Variants in NRXN3 observed in about 807,000 individuals in gnomAD.
NRXN3 encodes neurexin III.
A neutral mutation model predicts 137.6 loss-of-function variants in NRXN3; 32 were observed. The observed-to-expected ratio is 0.23, with a 90% CI of 0.18 to 0.31. The LOEUF (loss-of-function observed/expected upper bound fraction) is 0.31. NRXN3 is among the 10% of genes least tolerant of loss of function. The pLI is 1.00. For missense variants in NRXN3, 1,574 were observed against 2,062.5 expected (o/e 0.76, Z 4.59); for synonymous variants, 798 against 784.5 (o/e 1.02, Z -0.29).
At chr14:79,103,250 G>A (rs2051699333) in intron 15 of NRXN3, among the ~76,000 whole-genome samples, 2 of 152,146 alleles carry the variant, frequency 1.3e-5, no homozygotes, top group African/African-American at 2.4e-5. Context: ...ACAGGAAGAA[G>A]GTGATTTGGG....
chr14:79,126,239 T>C (rs1447917651), intron 15 of NRXN3, among the ~76,000 whole-genome samples: 1 of 152,166 alleles, frequency 6.6e-6, no homozygotes, highest in Non-Finnish European at 1.5e-5. Flanking sequence ...GTTAGTTACC[T>C]ATGTATACAT....
At chr14:79,658,042 A>G (rs1289680069) in intron 16 of NRXN3, among the ~76,000 whole-genome samples, 1 of 152,210 alleles carries the variant, frequency 6.6e-6, no homozygotes, top group Non-Finnish European at 1.5e-5. Context: ...ACTCACAATT[A>G]GGCTAAGTGG....
chr14:79,764,445 TAAG>T (rs921390929), intron 19 of NRXN3, among the ~76,000 whole-genome samples: 5 of 152,194 alleles, frequency 3.3e-5, no homozygotes, highest in African/African-American at 1.2e-4. Flanking sequence ...GCTCAGCTGA[TAAG>T]GAGTAGAGAA....
At chr14:79,443,693 T>C (rs1256897774) in intron 15 of NRXN3, among the ~76,000 whole-genome samples, 1 of 152,246 alleles carries the variant, frequency 6.6e-6, no homozygotes, top group African/African-American at 2.4e-5. Context: ...GTGTCCTGAA[T>C]GAGGAATCTT....
chr14:78,714,979 G>C lies in NRXN3; in HGVS notation c.1884G>C (p.Glu628Asp). The C allele has an allele frequency of 6.2e-7, 1 of 1,614,200 alleles. No individual in the cohort carries two copies. ...GCAAGAACATTCGACAGCTGGCAGA[G>C]ATGCAGAATGCTGCGGGTGTCAAGT... ...GRSKNIRQLA[E>D]MQNAAGVKSS... The change falls in exon 8 of 21, where the codon GAG becomes GAC. Residue 628 changes from glutamate (E) to aspartate (D), a missense_variant. By Grantham distance (45) the Glu-to-Asp change is conservative (BLOSUM62 2). Transcript: ENST00000335750.
chr14:79,828,487 G>T (rs1351122907), intron 20 of NRXN3, among the ~76,000 whole-genome samples: 1 of 151,878 alleles, frequency 6.6e-6, no homozygotes, highest in Non-Finnish European at 1.5e-5. Flanking sequence ...AGGCATGGTG[G>T]CAGGCACCTG....
intron 4 of NRXN3, among the ~76,000 whole-genome samples, chr14:78,362,556 A>G (rs974188894): frequency 6.6e-6 from 1 of 152,206 alleles, no homozygotes; most frequent in Non-Finnish European, 1.5e-5. Context: ...GATGTTTTTC[A>G]TATCTATTAA....
chr14:78,792,743 A>C (rs1288832333), intron 8 of NRXN3, among the ~76,000 whole-genome samples: 3 of 152,208 alleles, frequency 2.0e-5, no homozygotes, highest in Non-Finnish European at 4.4e-5. Flanking sequence ...GCATTATACA[A>C]TCTCATTACA....
chr14:78,649,984 C>T (rs980967966), intron 5 of NRXN3, among the ~76,000 whole-genome samples: 1 of 152,098 alleles, frequency 6.6e-6, no homozygotes, highest in African/African-American at 2.4e-5. Context: ...TACTAACAAC[C>T]TACCAATCAT....
chr14:78,818,894 A>G (rs983463279), intron 10 of NRXN3, among the ~76,000 whole-genome samples: 6 of 152,140 alleles, frequency 3.9e-5, no homozygotes, highest in Admixed American at 1.3e-4. Context: ...CCTCAGATGT[A>G]TGTATCTCTA....
rs185549790 is a variant in NRXN3 at position 78,895,406 on chromosome 14, C to G, written c.2276-61836C>G. Among the ~76,000 whole-genome samples the G allele has an allele frequency of 2.6e-5, 4 of 151,998 alleles. No individual in the cohort carries two copies. The East Asian group carries it at 7.8e-4, about 30-fold the overall frequency. On this transcript the variant is annotated intron_variant, in intron 10 of 20. Coordinates refer to ENST00000335750, the MANE Select transcript of NRXN3 (RefSeq NM_001330195.2). The stretch of plus-strand genomic sequence containing the variant: ...AAACTTTTTTCTGCATCTTCCTCAC[C>G]TCTCTTAGCCTTCATAGAATTGGAA...
intron 20 of NRXN3, among the ~76,000 whole-genome samples, chr14:79,859,826 C>A (rs571725005): frequency 6.6e-6 from 1 of 152,184 alleles, no homozygotes; most frequent in South Asian, 2.1e-4. Flanking sequence ...ATAACTGGGG[C>A]AGGGAAACAT....
intron 16 of NRXN3, among the ~76,000 whole-genome samples, chr14:79,644,108 T>G (rs1392409932): frequency 7.4e-6 from 1 of 135,516 alleles, no homozygotes; most frequent in Non-Finnish European, 1.7e-5. Context: ...ATCAACCCAA[T>G]GCCCTATATT....
intron 15 of NRXN3, among the ~76,000 whole-genome samples, chr14:79,213,898 T>A (rs1163553622): frequency 6.6e-6 from 1 of 152,220 alleles, no homozygotes; most frequent in East Asian, 1.9e-4. Flanking sequence ...CTTAGAAAGC[T>A]ACGCTTCTTA....
At chr14:79,857,589 G>A (rs964885008) in intron 20 of NRXN3, among the ~76,000 whole-genome samples, 2 of 44,084 alleles carry the variant, frequency 4.5e-5, no homozygotes, top group Admixed American at 2.3e-4. Context: ...CTCAAATGAT[G>A]TGTGCCTTTG....
At chr14:78,569,806 C>T (rs373055638) in intron 4 of NRXN3, among the ~76,000 whole-genome samples, 13 of 152,148 alleles carry the variant, frequency 8.5e-5, no homozygotes, top group South Asian at 6.2e-4. Context: ...GTGATCTACC[C>T]GCCTCGGCCT....
intron 15 of NRXN3, among the ~76,000 whole-genome samples, chr14:79,070,513 C>T (rs2099686296): frequency 6.6e-6 from 1 of 152,142 alleles, no homozygotes; most frequent in Non-Finnish European, 1.5e-5. Flanking sequence ...GTCCAATATT[C>T]CAGCCACATG....
chr14:79,171,545 A>G (rs2061781215), intron 15 of NRXN3, among the ~76,000 whole-genome samples: 1 of 152,154 alleles, frequency 6.6e-6, no homozygotes, highest in African/African-American at 2.4e-5. Flanking sequence ...ATCTATTTCA[A>G]TACCATGCAT....
chr14:78,690,894 G>A (rs1463360440), intron 6 of NRXN3, among the ~76,000 whole-genome samples: 1 of 152,134 alleles, frequency 6.6e-6, no homozygotes, highest in African/African-American at 2.4e-5. Flanking sequence ...TTTGGAGGGA[G>A]TTTTGGTCTA....
Sources: allele counts gnomAD v4.1 joint callset (sites outside exome capture counted in the v4.1 genomes callset), GRCh38; gene constraint gnomAD v4.1.1; transcripts MANE v1.5; gene names NCBI Gene and HGNC (gene_info 2026-07-23, HGNC 2026-07-21).